Variants in COL25A1 observed in about 807,000 individuals in gnomAD.
COL25A1 encodes the protein collagen type XXV alpha 1 chain, also known as collagen alpha-1(XXV) chain.
Under a neutral mutation model 128.4 loss-of-function variants are expected in COL25A1, and 103 were observed. That is an observed-to-expected ratio of 0.80 (90% CI 0.68 to 0.94). COL25A1 has a LOEUF of 0.94. Ranked by LOEUF, COL25A1 falls within the 40% of genes least tolerant of loss-of-function variation. COL25A1 has a pLI of 0.00. For synonymous variants in COL25A1, 279 were observed against 277.2 expected (o/e 1.01, Z -0.06); for missense variants, 745 against 840.0 (o/e 0.89, Z 1.40).
intron 3 of COL25A1, among the ~76,000 whole-genome samples, chr4:109,171,582 A>G (rs1773590330): frequency 6.6e-6 from 1 of 152,340 alleles, no homozygotes; most frequent in African/African-American, 2.4e-5. Context: ...GGTGTGAAAT[A>G]AAAAGTGAAA....
chr4:109,005,519 A>G (rs1453544517), intron 6 of COL25A1, among the ~76,000 whole-genome samples: 2 of 152,214 alleles, frequency 1.3e-5, no homozygotes, highest in Non-Finnish European at 2.9e-5. Flanking sequence ...CAATATGAAT[A>G]TGGTTTATTT....
chr4:108,906,924 C>T (rs1743599675), intron 13 of COL25A1, among the ~76,000 whole-genome samples: 1 of 152,172 alleles, frequency 6.6e-6, no homozygotes. Context: ...AAGCACTGAA[C>T]AGGCCAGGTA....
chr4:108,914,696 G>A (rs1043082711), intron 13 of COL25A1, among the ~76,000 whole-genome samples: 2 of 94,722 alleles, frequency 2.1e-5, no homozygotes, highest in Admixed American at 1.6e-4. Flanking sequence ...TCACTATGTT[G>A]CCCACGCTGG....
chr4:109,147,988 G>T (rs533851551), intron 3 of COL25A1, among the ~76,000 whole-genome samples: 1 of 152,240 alleles, frequency 6.6e-6, no homozygotes, highest in South Asian at 2.1e-4. Flanking sequence ...GTTCAGGAGA[G>T]AATAGTCCCT....
At chr4:108,860,751 T>C (rs1294225112) in intron 23 of COL25A1, among the ~76,000 whole-genome samples, 176 bp downstream of exon 23, 1 of 152,180 alleles carries the variant, frequency 6.6e-6, no homozygotes, top group African/African-American at 2.4e-5. Flanking sequence ...CATGCACTGC[T>C]CCTGGTGAGG....
In COL25A1 at chr4:109,010,206, A is replaced by G. The variant is rs1361800551; in HGVS notation, c.438+152T>C. Reference sequence around the variant, plus strand: ...CTCACACAACCCTGAAGAGGCCCCAAGGGTTTACTCCTGGGAAATATTTGG... The same window carrying G: ...CTCACACAACCCTGAAGAGGCCCCAGGGGTTTACTCCTGGGAAATATTTGG... On this transcript the variant is annotated intron_variant, in intron 6 of 37. Transcript: ENST00000399132. 4.6e-6 allele frequency: 3 copies of G among 649,932 alleles called. No individual in the cohort carries two copies. In the African/African-American group the frequency reaches 5.8e-5, roughly 13 times the overall value. 40.3% of individuals were successfully genotyped at this position (649,932 alleles called of 1,614,324 possible).
intron 37 of COL25A1, among the ~76,000 whole-genome samples, chr4:108,817,020 G>A (rs140278243): frequency 1.0e-3 from 157 of 152,172 alleles, no homozygotes; most frequent in African/African-American, 3.5e-3. Context: ...AATATTGACA[G>A]GGTTCTACCA....
chr4:108,974,599 A>C, intron 6 of COL25A1, 40 bp from the exon 7 acceptor site: 1 of 1,514,012 alleles, frequency 6.6e-7, no homozygotes, highest in Non-Finnish European at 9.0e-7. Context: ...AATTAAAAAA[A>C]GATATTGTAA....
intron 3 of COL25A1, among the ~76,000 whole-genome samples, chr4:109,126,682 T>C (rs1008000651): frequency 1.3e-5 from 2 of 152,296 alleles, no homozygotes; most frequent in Non-Finnish European, 1.5e-5. Context: ...AGCTTTGAGA[T>C]ACCACCTCTC....
intron 12 of COL25A1, 68 bp from the exon 13 acceptor site, chr4:108,918,284 G>T: frequency 1.7e-6 from 2 of 1,169,460 alleles, no homozygotes; most frequent in Non-Finnish European, 2.5e-6. Flanking sequence ...AATTTATATT[G>T]TATTAGTTAT....
chr4:109,156,709 A>G (rs1772070481), intron 3 of COL25A1, among the ~76,000 whole-genome samples: 1 of 152,214 alleles, frequency 6.6e-6, no homozygotes. Flanking sequence ...ACAAAGATAC[A>G]AGAAAATAGC....
At chr4:108,825,308 A>G in intron 33 of COL25A1, 86 bp from the exon 34 acceptor site, 1 of 978,332 alleles carries the variant, frequency 1.0e-6, no homozygotes, top group Non-Finnish European at 1.7e-6. Flanking sequence ...TGAACATGCA[A>G]CACTAGTACT....
At chr4:109,096,254 T>C (rs1309349526) in intron 3 of COL25A1, among the ~76,000 whole-genome samples, 2 of 152,232 alleles carry the variant, frequency 1.3e-5, no homozygotes, top group East Asian at 1.9e-4. Context: ...TTTAGTAATA[T>C]GATTACTGTC....
At chr4:109,089,975 T>G (rs1764754602) in intron 3 of COL25A1, among the ~76,000 whole-genome samples, 2 of 152,112 alleles carry the variant, frequency 1.3e-5, no homozygotes, top group Admixed American at 1.3e-4. Flanking sequence ...GACATAAATA[T>G]GAAGTACTAT....
At chr4:108,849,485 G>T (rs148447748) in intron 26 of COL25A1, among the ~76,000 whole-genome samples, 1,867 of 152,262 alleles carry the variant, frequency 0.012, 16 homozygotes, top group Non-Finnish European at 0.021. Flanking sequence ...AAAATATAGA[G>T]ATTTTTGTTT....
In COL25A1 at chr4:108,819,171, C is replaced by T. The variant is rs1731530945; in HGVS notation, c.1923+81G>A. On this transcript the variant is annotated intron_variant, in intron 36 of 37. Transcript: ENST00000399132. ...TATCATGTAAAGCTTGCCCAGAAAG[C>T]ACCACTTTACACTGATAGAGATGAA... 11 of 1,065,576 alleles carry T rather than the reference C, an allele frequency of 1.0e-5. No individual in the cohort carries two copies. In the South Asian group the frequency reaches 1.4e-4, roughly 14 times the overall value. The allele number at this position is 1,065,576 out of a possible 1,614,324, so 66.0% of individuals were successfully genotyped here. A position where few individuals can be genotyped will look rare whatever the true frequency, so the allele number is the denominator to read the frequency against.
intron 3 of COL25A1, among the ~76,000 whole-genome samples, chr4:109,223,465 A>G (rs941325648): frequency 6.6e-6 from 1 of 152,084 alleles, no homozygotes; most frequent in Non-Finnish European, 1.5e-5. Context: ...AGAATCCAAT[A>G]TCCCCAAAGT....
intron 3 of COL25A1, among the ~76,000 whole-genome samples, chr4:109,144,017 C>T (rs1461011107): frequency 1.3e-5 from 2 of 152,186 alleles, no homozygotes; most frequent in Admixed American, 6.5e-5. Flanking sequence ...GATTTTTCCT[C>T]ATCTTCGTGG....
chr4:108,903,516 TC>T (rs1484108448), intron 13 of COL25A1, among the ~76,000 whole-genome samples: 1 of 152,058 alleles, frequency 6.6e-6, no homozygotes, highest in Admixed American at 6.6e-5. Context: ...ATACTCATGT[TC>T]TTCCAATTTT....
Sources: gnomAD v4.1 joint callset for allele counts (sites outside exome capture counted in the v4.1 genomes callset) on GRCh38, gnomAD v4.1.1 for gene constraint, MANE v1.5 for transcripts, NCBI Gene and HGNC (gene_info 2026-07-23, HGNC 2026-07-21) for gene names.